The following MAST4 variants were observed in gnomAD, a reference collection of about 807,000 sequenced individuals.
The protein encoded by MAST4 is microtubule associated serine/threonine kinase family member 4, also known as microtubule-associated serine/threonine-protein kinase 4.
In MAST4, 89 loss-of-function variants were observed where a neutral mutation model predicts 162.7. The ratio of observed to expected loss-of-function variants is 0.55; its 90% CI spans 0.46 to 0.65. The LOEUF (loss-of-function observed/expected upper bound fraction) is 0.65, where lower values mean the gene tolerates loss of function less well. MAST4 is among the 30% of genes least tolerant of loss of function. MAST4 has a pLI of 0.00. For missense variants in MAST4, 3,153 were observed against 3,374.0 expected (o/e 0.93, Z 1.62); for synonymous variants, 1,479 against 1,361.1 (o/e 1.09, Z -1.91).
At chr5:66,634,984 A>T (rs1349454256) in intron 1 of MAST4, among the ~76,000 whole-genome samples, 3 of 152,218 alleles carry the variant, frequency 2.0e-5, no homozygotes. Flanking sequence ...TGCCTCTGGG[A>T]TGCAGGTCCT....
At position 66,750,002 on chromosome 5, in the gene MAST4, G is replaced by A. The variant is rs374470937; in HGVS notation, c.364-9707G>A. On this transcript the variant is annotated intron_variant, in intron 1 of 28. Transcript: ENST00000403625. ...TATTGGGTGGCAGGGATGAGAGAGAGAGAGCAGTTAATTAGGATTACAAGC... is the reference window on the plus strand; with the variant it reads ...TATTGGGTGGCAGGGATGAGAGAGAAAGAGCAGTTAATTAGGATTACAAGC... Among the ~76,000 whole-genome samples the A allele has an allele frequency of 3.3e-5, 5 of 152,340 alleles. No individual in the cohort carries two copies. The South Asian group carries it at 1.0e-3, about 32-fold the overall frequency.
At chr5:67,133,831 G>T (rs1581677677) in intron 17 of MAST4, among the ~76,000 whole-genome samples, 185 bp downstream of exon 17, 1 of 152,244 alleles carries the variant, frequency 6.6e-6, no homozygotes, top group South Asian at 2.1e-4. Flanking sequence ...TGAATTGTCT[G>T]CTCCCTCTAC....
intron 4 of MAST4, among the ~76,000 whole-genome samples, chr5:66,950,571 G>A (rs1447925484): frequency 2.6e-5 from 4 of 152,122 alleles, no homozygotes; most frequent in Non-Finnish European, 5.9e-5. Context: ...ATTTCACTTA[G>A]TGTAATGTCT....
At position 67,167,116 on chromosome 5, in the gene MAST4, C is replaced by A; in HGVS notation, c.*65C>A. 7.2e-7 allele frequency: 1 copy of A among 1,381,572 alleles called. No homozygotes were observed. Among genetic ancestry groups the A allele is most frequent in the Non-Finnish European group, 9.7e-7 (1 of 1,032,394 alleles). The allele number at this position is 1,381,572 out of a possible 1,614,324, so 85.6% of individuals were successfully genotyped here. On this transcript the variant is annotated 3_prime_UTR_variant, in exon 29 of 29. Transcript: ENST00000403625. The stretch of plus-strand genomic sequence containing the variant: ...GAACGGGCGACTGTGTCTTGACTAC[C>A]TTTCAAAACCAGCACTGTGTGGGAA...
intron 1 of MAST4, among the ~76,000 whole-genome samples, chr5:66,639,312 G>GTGTGTGTGTGTT (rs1447511908): frequency 1.3e-5 from 2 of 151,500 alleles, no homozygotes; most frequent in African/African-American, 4.9e-5. Flanking sequence ...GTGTGTGTGT[G>GTGTGTGTGTGTT]TTTTAAGAAG....
chr5:66,598,290 C>T (rs936518043), intron 1 of MAST4, among the ~76,000 whole-genome samples: 17 of 152,156 alleles, frequency 1.1e-4, no homozygotes, highest in African/African-American at 3.9e-4. Context: ...TGGAGGCCTG[C>T]TTTCTAGAAC....
chr5:67,106,363 C>A (rs981101095), intron 10 of MAST4, among the ~76,000 whole-genome samples: 2 of 152,190 alleles, frequency 1.3e-5, no homozygotes, highest in Non-Finnish European at 2.9e-5. Flanking sequence ...TAAAACTAGA[C>A]AGCATTTCCT....
intron 5 of MAST4, among the ~76,000 whole-genome samples, chr5:67,066,526 T>C (rs1247528457): frequency 6.6e-6 from 1 of 152,064 alleles, no homozygotes; most frequent in African/African-American, 2.4e-5. Flanking sequence ...TTTGACTGTT[T>C]TTATATGTCC....
chr5:67,094,110 C>CTT (rs201598167), intron 6 of MAST4: 1 of 1,335,560 alleles, frequency 7.5e-7, no homozygotes, highest in Non-Finnish European at 1.0e-6. Flanking sequence ...TACTTTGCTT[C>CTT]TTTTTTTTAA....
chr5:67,129,739 AAAG>A (rs1561692530), intron 14 of MAST4, among the ~76,000 whole-genome samples: 8 of 946 alleles, frequency 8.5e-3, no homozygotes, highest in African/African-American at 0.034. Flanking sequence ...AAAAAAAGAA[AAAG>A]GAAAAAAAAG....
At chr5:67,020,831 C>A (rs1012292181) in intron 4 of MAST4, among the ~76,000 whole-genome samples, 5 of 152,186 alleles carry the variant, frequency 3.3e-5, no homozygotes, top group Admixed American at 1.3e-4. Context: ...AGACAGACTA[C>A]AGCCTGCAGG....
chr5:67,083,202 A>G (rs1376792132), intron 5 of MAST4, among the ~76,000 whole-genome samples: 2 of 152,218 alleles, frequency 1.3e-5, no homozygotes, highest in Non-Finnish European at 2.9e-5. Context: ...AATGCCTTTG[A>G]TCCTTTAAAT....
chr5:67,102,590 C>G lies in MAST4; in HGVS notation c.1125C>G (p.Val375=). The G allele has an allele frequency of 6.2e-7, 1 of 1,613,780 alleles. No individual in the cohort carries two copies. The highest frequency in any genetic ancestry group is 8.5e-7 in the Non-Finnish European group (1 of 1,179,722). ...ATGAAATAATTATGATGAACCATGT[C>G]TACAAAGAAAGGTTCCCAAAGGTAA... ...CDHEIIMMNH[V]YKERFPKATA... The change falls in exon 9 of 29, where the codon GTC becomes GTG. Residue 375 remains valine (V), a synonymous_variant. Transcript: ENST00000403625.
chr5:67,136,852 G>A (rs1769716025), intron 19 of MAST4, among the ~76,000 whole-genome samples, 188 bp downstream of exon 19: 2 of 152,196 alleles, frequency 1.3e-5, no homozygotes, highest in African/African-American at 4.8e-5. Context: ...CAGTGTGTAC[G>A]CTAAGAGGGT....
At chr5:67,021,755 A>G (rs1244474853) in intron 4 of MAST4, among the ~76,000 whole-genome samples, 1 of 152,190 alleles carries the variant, frequency 6.6e-6, no homozygotes, top group East Asian at 1.9e-4. Context: ...TCTAACTCCC[A>G]CACACAGTGG....
chr5:66,906,245 G>T (rs1425323518), intron 4 of MAST4, among the ~76,000 whole-genome samples: 1 of 152,152 alleles, frequency 6.6e-6, no homozygotes, highest in African/African-American at 2.4e-5. Context: ...GTATCATGAG[G>T]CATGTCTGAC....
chr5:66,874,982 T>C (rs1761197000), intron 3 of MAST4, among the ~76,000 whole-genome samples: 1 of 152,130 alleles, frequency 6.6e-6, no homozygotes, highest in African/African-American at 2.4e-5. Flanking sequence ...AATATAAAGG[T>C]AATGGAAAAT....
At chr5:66,829,330 A>T (rs1757443870) in intron 3 of MAST4, among the ~76,000 whole-genome samples, 1 of 152,176 alleles carries the variant, frequency 6.6e-6, no homozygotes, top group African/African-American at 2.4e-5. Flanking sequence ...AGCTGCTGGG[A>T]ATTTTCCCCG....
chr5:67,052,211 C>G (rs542201902), intron 4 of MAST4, among the ~76,000 whole-genome samples: 1 of 152,202 alleles, frequency 6.6e-6, no homozygotes, highest in African/African-American at 2.4e-5. Flanking sequence ...CTCTACATTG[C>G]ATTCATAATG....
Sources: allele counts gnomAD v4.1 joint callset (sites outside exome capture counted in the v4.1 genomes callset), GRCh38; gene constraint gnomAD v4.1.1; transcripts MANE v1.5; gene names NCBI Gene and HGNC (gene_info 2026-07-23, HGNC 2026-07-21).